Variants in SLC39A12 observed in about 807,000 individuals in gnomAD.
SLC39A12 encodes zinc transporter ZIP12.
In SLC39A12, 63 loss-of-function variants were observed where a neutral mutation model predicts 71.1. The observed-to-expected ratio is 0.89, with a 90% CI of 0.72 to 1.09. The LOEUF (loss-of-function observed/expected upper bound fraction) is 1.09, where lower values mean the gene tolerates loss of function less well. Ranked by LOEUF, SLC39A12 falls within the 50% of genes least tolerant of loss-of-function variation. SLC39A12 has a pLI of 0.00. For missense variants in SLC39A12, 892 were observed against 812.6 expected (o/e 1.10, Z -1.19); for synonymous variants, 351 against 301.3 (o/e 1.16, Z -1.71).
intron 6 of SLC39A12, among the ~76,000 whole-genome samples, chr10:17,986,466 T>C (rs184685975): frequency 6.6e-6 from 1 of 152,238 alleles, no homozygotes; most frequent in African/African-American, 2.4e-5. Flanking sequence ...GAGGGTCTCG[T>C]TCCTGGTTCA....
chr10:17,974,408 G>A (rs1425259646), intron 4 of SLC39A12, among the ~76,000 whole-genome samples: 1 of 152,124 alleles, frequency 6.6e-6, no homozygotes, highest in Non-Finnish European at 1.5e-5. Flanking sequence ...CTGTTCTTGG[G>A]AAGGCTTTCC....
intron 12 of SLC39A12, among the ~76,000 whole-genome samples, chr10:18,009,028 A>G (rs1433175702): frequency 6.6e-6 from 1 of 152,174 alleles, no homozygotes; most frequent in Admixed American, 6.5e-5. Context: ...TTTATTTTTA[A>G]CTAATATAAT....
intron 4 of SLC39A12, among the ~76,000 whole-genome samples, chr10:17,970,639 C>T (rs1038037580): frequency 3.3e-5 from 5 of 149,772 alleles, no homozygotes; most frequent in Non-Finnish European, 7.4e-5. Flanking sequence ...TTGTATTCTG[C>T]AACTTTATTG....
chr10:18,037,656 A>G (rs1364953555), intron 12 of SLC39A12, among the ~76,000 whole-genome samples: 1 of 152,216 alleles, frequency 6.6e-6, no homozygotes, highest in African/African-American at 2.4e-5. Context: ...ATGAAAGGCA[A>G]ATAAAATAAG....
At chr10:17,986,248 C>T (rs1048278752) in intron 6 of SLC39A12, among the ~76,000 whole-genome samples, 20 of 152,192 alleles carry the variant, frequency 1.3e-4, no homozygotes, top group African/African-American at 4.8e-4. Flanking sequence ...GAGGTGAGCT[C>T]AGTCCTTGCT....
intron 10 of SLC39A12, among the ~76,000 whole-genome samples, chr10:18,000,084 A>C (rs867018802): frequency 1.3e-5 from 2 of 152,224 alleles, no homozygotes; most frequent in African/African-American, 2.4e-5. Flanking sequence ...CTAGAAGTCC[A>C]AGATGAAGGT....
chr10:17,965,200 T>G (rs913889253), intron 3 of SLC39A12, among the ~76,000 whole-genome samples: 2 of 149,250 alleles, frequency 1.3e-5, no homozygotes, highest in African/African-American at 5.0e-5. Context: ...AGAGCTAAAC[T>G]CGGTCTAAAA....
At position 17,981,192 on chromosome 10, in the gene SLC39A12, G is replaced by A. The variant is rs1047086428; in HGVS notation, c.925-120G>A. Reference sequence around the variant, plus strand: ...TTTGCAGGGAAACACGTGTCGTACCGGCTTCATGTGTGTGTTCTCGCTATT... The same window carrying A: ...TTTGCAGGGAAACACGTGTCGTACCAGCTTCATGTGTGTGTTCTCGCTATT... On this transcript the variant is annotated intron_variant, in intron 5 of 12. Transcript: ENST00000377369. 51 of 787,166 alleles carry A rather than the reference G, an allele frequency of 6.5e-5. No homozygotes were observed. In the Admixed American group the frequency reaches 1.0e-3, roughly 16 times the overall value. 48.8% of individuals were successfully genotyped at this position (787,166 alleles called of 1,614,324 possible). A position where few individuals can be genotyped will look rare whatever the true frequency, so the allele number is the denominator to read the frequency against.
At chr10:17,953,033 G>A (rs887946827) in intron 1 of SLC39A12, among the ~76,000 whole-genome samples, 158 bp from the exon 2 acceptor site, 1 of 152,110 alleles carries the variant, frequency 6.6e-6, no homozygotes, top group Non-Finnish European at 1.5e-5. Flanking sequence ...TACAGCCATG[G>A]TGCTTTCCTG....
At chr10:17,999,324 C>T (rs370748606) in intron 10 of SLC39A12, among the ~76,000 whole-genome samples, 209 of 132,498 alleles carry the variant, frequency 1.6e-3, no homozygotes, top group Non-Finnish European at 2.8e-3. Context: ...AAAAAGGAAG[C>T]ATTATGCATT....
chr10:18,016,878 T>C (rs148977631), intron 12 of SLC39A12, among the ~76,000 whole-genome samples: 9 of 152,336 alleles, frequency 5.9e-5, no homozygotes, highest in African/African-American at 2.2e-4. Flanking sequence ...CCATTTTTAA[T>C]TGGAAATTGT....
At position 17,981,335 on chromosome 10, in the gene SLC39A12, G is replaced by C. The variant is rs769863215; in HGVS notation, c.948G>C (p.Leu316=). Residue 316 remains leucine, a synonymous_variant, in exon 6 of 13, where the codon CTG becomes CTC. Transcript: ENST00000377369. The part of the protein sequence containing the change: ...WDQTCFSARQ[L]VEIFLQKGLS... ...AGACCTGCTTCTCTGCTAGGCAGCT[G>C]GTGGAGATATTTCTACAGAAGGGCC... is the stretch of plus-strand genomic sequence containing the variant. 1.2e-6 allele frequency: 2 copies of C among 1,612,084 alleles called. No homozygotes were observed. Among genetic ancestry groups the C allele is most frequent in the Non-Finnish European group, 8.5e-7 (1 of 1,178,834 alleles).
intron 12 of SLC39A12, among the ~76,000 whole-genome samples, chr10:18,024,466 C>T (rs1333332962): frequency 6.6e-6 from 1 of 152,140 alleles, no homozygotes; most frequent in East Asian, 1.9e-4. Context: ...TTGGTGGATA[C>T]CCTGCCTTGG....
chr10:17,991,248 A>G lies in SLC39A12; in HGVS notation c.1367A>G (p.His456Arg), dbSNP rs1835539604. The change falls in exon 8 of 13, where the codon CAT (histidine) becomes CGT (arginine). Residue 456 changes from histidine (H) to arginine (R), a missense_variant. His to Arg is a conservative substitution (Grantham distance 29, BLOSUM62 0). Coordinates refer to ENST00000377369, the MANE Select transcript of SLC39A12 (RefSeq NM_001145195.2). ...CTGATGGGATTAATTGGAGGCATCC[A>G]TGGATTTTTCTTGATAGAAAAATGT... ...WKLMGLIGGI[H>R]GFFLIEKCFI... 6.3e-7 allele frequency: 1 copy of G among 1,597,936 alleles called. No homozygotes were observed. Among genetic ancestry groups the G allele is most frequent in the African/African-American group, 1.3e-5 (1 of 74,100 alleles).
intron 12 of SLC39A12, among the ~76,000 whole-genome samples, chr10:18,011,378 T>C (rs1324616695): frequency 2.0e-5 from 3 of 152,222 alleles, no homozygotes; most frequent in Non-Finnish European, 4.4e-5. Flanking sequence ...CATGAGCCAC[T>C]GCACTCATCC....
chr10:18,032,656 A>G (rs373114884), intron 12 of SLC39A12, among the ~76,000 whole-genome samples: 2 of 150,918 alleles, frequency 1.3e-5, no homozygotes, highest in Non-Finnish European at 3.0e-5. Flanking sequence ...TCTCCTGCCT[A>G]ATTGCCCTGG....
In SLC39A12 at chr10:18,026,498, A is replaced by G. The variant is rs117443081; in HGVS notation, c.1948-16207A>G. On this transcript the variant is annotated intron_variant, in intron 12 of 12. Coordinates refer to ENST00000377369, the MANE Select transcript of SLC39A12 (RefSeq NM_001145195.2). ...TTTCTGAAGTTTAAAGATGATATGC[A>G]TAGACGTAGGGTTTTTTAAAGCATA... Among the ~76,000 whole-genome samples the G allele has an allele frequency of 2.2e-3, 339 of 152,214 alleles. 1 individual carries two copies. The highest frequency in any genetic ancestry group is 3.6e-3 in the Admixed American group (55 of 15,286).
intron 12 of SLC39A12, among the ~76,000 whole-genome samples, chr10:18,036,783 TATATATATA>T (rs1201787726): frequency 0.013 from 162 of 12,044 alleles, 18 homozygotes; most frequent in African/African-American, 0.037. Context: ...TATATATATA[TATATATATA>T]TATTTTTTTT....
At position 17,957,968 on chromosome 10, in the gene SLC39A12, G is replaced by A. The variant is rs797023882; in HGVS notation, c.262-3613G>A. ...GTGATGCAACACGTGTTCATTCAAG[G>A]TTACCAAAATCTCTGTTCCGACAAA... On this transcript the variant is annotated intron_variant, in intron 2 of 12. Transcript: ENST00000377369. Among the ~76,000 whole-genome samples, 9 of 152,242 alleles carry A rather than the reference G, an allele frequency of 5.9e-5. No individual in the cohort carries two copies. The South Asian group carries it at 1.7e-3, about 28-fold the overall frequency.
Sources: allele counts gnomAD v4.1 joint callset (sites outside exome capture counted in the v4.1 genomes callset), GRCh38; gene constraint gnomAD v4.1.1; transcripts MANE v1.5; gene names NCBI Gene and HGNC (gene_info 2026-07-23, HGNC 2026-07-21).